ADD2: variants seen among roughly 807,000 people sequenced by gnomAD.
ADD2 encodes beta-adducin.
A neutral mutation model predicts 83.0 loss-of-function variants in ADD2; 23 were observed. That is an observed-to-expected ratio of 0.28 (90% CI 0.20 to 0.39). ADD2 has a LOEUF of 0.39. ADD2 is among the 10% of genes least tolerant of loss of function. The pLI, the probability that ADD2 is intolerant of heterozygous loss-of-function variation, is 1.00. For synonymous variants in ADD2, 375 were observed against 375.4 expected, an observed-to-expected ratio of 1.00 and a Z score of 0.01; for missense variants, 758 against 944.9, an observed-to-expected ratio of 0.80 and a Z score of 2.59.
In ADD2 at chr2:70,661,491, G is replaced by A. The variant is rs1348609815; in HGVS notation, c.*1934C>T. On this transcript the variant is annotated 3_prime_UTR_variant, in exon 16 of 16. Transcript: ENST00000264436. ...AAGTAGAACAGAGATGGAGCCTGGGGTAGCAGTTAGGAATCTGCACTAGAG... is the reference window on the plus strand; with the variant it reads ...AAGTAGAACAGAGATGGAGCCTGGGATAGCAGTTAGGAATCTGCACTAGAG... The A allele has an allele frequency of 6.6e-6, 1 of 152,148 alleles. No individual in the cohort carries two copies. Among genetic ancestry groups the A allele is most frequent in the Non-Finnish European group, 1.5e-5 (1 of 68,030 alleles). The allele number at this position is 152,148 out of a possible 1,614,324, so 9.4% of individuals were successfully genotyped here. A position where few individuals can be genotyped will look rare whatever the true frequency, so the allele number is the denominator to read the frequency against.
intron 2 of ADD2, chr2:70,711,258 G>C (rs1672162210): frequency 6.6e-6 from 1 of 152,056 alleles, no homozygotes; most frequent in Non-Finnish European, 1.5e-5. Context: ...TTCCTAAAAT[G>C]CCCAAAAGAC....
At chr2:70,762,186 A>G (rs1675146937) in intron 1 of ADD2, among the ~76,000 whole-genome samples, 1 of 151,902 alleles carries the variant, frequency 6.6e-6, no homozygotes, top group Non-Finnish European at 1.5e-5. Context: ...ATTGGATTAA[A>G]AATCCAATTA....
intron 15 of ADD2, among the ~76,000 whole-genome samples, chr2:70,668,311 C>T (rs1175344851): frequency 2.0e-5 from 3 of 152,106 alleles, no homozygotes; most frequent in Non-Finnish European, 4.4e-5. Flanking sequence ...GCTTCCTAGG[C>T]ACCACCCCTG....
At chr2:70,713,568 G>A (rs193052207) in intron 1 of ADD2, among the ~76,000 whole-genome samples, 21 of 152,144 alleles carry the variant, frequency 1.4e-4, no homozygotes, top group African/African-American at 4.8e-4. Flanking sequence ...CCAAGATCGC[G>A]CCACTGCACT....
chr2:70,766,992 C>A (rs986304158), intron 1 of ADD2, among the ~76,000 whole-genome samples: 8 of 151,858 alleles, frequency 5.3e-5, no homozygotes, highest in African/African-American at 1.7e-4. Flanking sequence ...TAGTTTTGGG[C>A]AAGAGATGGA....
At chr2:70,695,694 T>C in intron 6 of ADD2, 27 bp downstream of exon 6, 1 of 1,599,424 alleles carries the variant, frequency 6.3e-7, no homozygotes, top group Non-Finnish European at 8.6e-7. Context: ...CAATAAGGAG[T>C]GGGCAGTGAT....
chr2:70,695,885 T>C lies in ADD2; in HGVS notation c.475-84A>G, dbSNP rs560361481. The C allele has an allele frequency of 2.1e-4, 250 of 1,167,212 alleles. 1 individual carries two copies. In the East Asian group the frequency reaches 4.6e-3, roughly 22 times the overall value. The allele number at this position is 1,167,212 out of a possible 1,614,324, so 72.3% of individuals were successfully genotyped here. A position where few individuals can be genotyped will look rare whatever the true frequency, so the allele number is the denominator to read the frequency against. The stretch of plus-strand genomic sequence containing the variant: ...ACTGTGCTTGAATCCCCTCTTCCCC[T>C]GAATCTACTGCACCCAAGTCCATCT... On this transcript the variant is annotated intron_variant, in intron 5 of 15. Transcript: ENST00000264436.
At chr2:70,666,035 C>T (rs966117593) in intron 15 of ADD2, among the ~76,000 whole-genome samples, 1 of 152,104 alleles carries the variant, frequency 6.6e-6, no homozygotes, top group African/African-American at 2.4e-5. Context: ...AGGATGGTCT[C>T]GAACTCCTGA....
At chr2:70,716,307 AC>A (rs1672464496) in intron 1 of ADD2, among the ~76,000 whole-genome samples, 1 of 151,760 alleles carries the variant, frequency 6.6e-6, no homozygotes, top group African/African-American at 2.4e-5. Context: ...CAGCCCCCTG[AC>A]CTCTCTGCAT....
intron 15 of ADD2, among the ~76,000 whole-genome samples, chr2:70,672,127 G>A (rs564743088): frequency 2.0e-5 from 3 of 152,210 alleles, no homozygotes; most frequent in East Asian, 3.9e-4. Flanking sequence ...ATATAAAAAG[G>A]GACTATATGA....
chr2:70,674,416 G>A (rs6750771), intron 14 of ADD2, among the ~76,000 whole-genome samples: 22,782 of 152,172 alleles, frequency 0.15, 1,896 homozygotes, highest in African/African-American at 0.23. Context: ...GGTGTTTACT[G>A]GCCTAAGCCA....
chr2:70,728,728 G>A (rs1553378768), intron 1 of ADD2, among the ~76,000 whole-genome samples: 1 of 152,156 alleles, frequency 6.6e-6, no homozygotes, highest in South Asian at 2.1e-4. Flanking sequence ...GTACCTTTGG[G>A]TCTGGCCTCA....
Position 70,676,951 on chromosome 2 carries a change from G to A in ADD2, c.1504-66C>T, listed in dbSNP as rs35630373. The stretch of plus-strand genomic sequence containing the variant: ...GGGTCAGCGTGGAGTTTGGGAGGGG[G>A]CATACGGGTGTGCCTGGGGTCTAGA... On this transcript the variant is annotated intron_variant, in intron 12 of 15. Coordinates refer to ENST00000264436, the MANE Select transcript of ADD2 (RefSeq NM_001617.4). The surrounding 1 kb of genome is among the most constrained non-coding windows in gnomAD (Gnocchi z 4.8). 2.5e-6 allele frequency: 4 copies of A among 1,572,318 alleles called. No individual in the cohort carries two copies. Among genetic ancestry groups the A allele is most frequent in the Non-Finnish European group, 2.6e-6 (3 of 1,154,894 alleles).
At chr2:70,727,102 C>A (rs1324946711) in intron 1 of ADD2, among the ~76,000 whole-genome samples, 2 of 152,228 alleles carry the variant, frequency 1.3e-5, no homozygotes, top group African/African-American at 4.8e-5. Flanking sequence ...CTTCTTCACG[C>A]TCCGTGGGAA....
chr2:70,714,924 T>C (rs1672389267), intron 1 of ADD2, among the ~76,000 whole-genome samples: 1 of 152,174 alleles, frequency 6.6e-6, no homozygotes, highest in Non-Finnish European at 1.5e-5. Context: ...GCACCATTCT[T>C]GTAAGAAAGC....
In ADD2 at chr2:70,763,414, A is replaced by G. The variant is rs146812637; in HGVS notation, c.-154+4472T>C. ...ATCTCTTCTAAAGATTCAAATTTCT[A>G]TTCCAAGAATCTGTGTGTGTCCCTG... On this transcript the variant is annotated intron_variant, in intron 1 of 15. Coordinates refer to ENST00000264436, the MANE Select transcript of ADD2 (RefSeq NM_001617.4). Among the ~76,000 whole-genome samples, 732 of 152,142 alleles carry G rather than the reference A, an allele frequency of 4.8e-3. 15 individuals carry two copies. Among genetic ancestry groups the G allele is most frequent in the African/African-American group, 0.016 (681 of 41,386 alleles).
intron 1 of ADD2, among the ~76,000 whole-genome samples, chr2:70,732,166 T>C (rs1296843441): frequency 3.3e-5 from 5 of 152,094 alleles, no homozygotes; most frequent in Non-Finnish European, 5.9e-5. Context: ...ACAAAGTGAG[T>C]GGGCTGGAAC....
chr2:70,704,263 T>TGGGGCCC, intron 4 of ADD2, 58 bp downstream of exon 4: 1 of 913,238 alleles, frequency 1.1e-6, no homozygotes, highest in Non-Finnish European at 1.7e-6. Context: ...CTCCCTCTCT[T>TGGGGCCC]CCCCACCCCA....
intron 1 of ADD2, among the ~76,000 whole-genome samples, chr2:70,757,652 A>G (rs2104550198): frequency 6.6e-6 from 1 of 152,336 alleles, no homozygotes; most frequent in South Asian, 2.1e-4. Flanking sequence ...CTGCCATCTG[A>G]CATGAGGAAA....
Sources: gnomAD v4.1 joint callset for allele counts (sites outside exome capture counted in the v4.1 genomes callset) on GRCh38, gnomAD v4.1.1 for gene constraint, Gnocchi (gnomAD v3.1) non-coding constraint, MANE v1.5 for transcripts, NCBI Gene and HGNC (gene_info 2026-07-23, HGNC 2026-07-21) for gene names.